Variants in KCNN2 observed in about 807,000 individuals in gnomAD.
KCNN2 encodes small conductance calcium-activated potassium channel protein 2.
A neutral mutation model predicts 55.5 loss-of-function variants in KCNN2; 24 were observed. The observed-to-expected ratio is 0.43, with a 90% CI of 0.31 to 0.61. KCNN2 has a LOEUF of 0.61. Among genes scored for constraint, KCNN2 ranks in the 20% least tolerant of loss-of-function variants. The pLI is 0.08. For missense variants in KCNN2, 754 were observed against 853.6 expected (o/e 0.88, Z 1.45); for synonymous variants, 431 against 336.1 (o/e 1.28, Z -3.09).
At chr5:114,268,599 A>G (rs1160630442) in intron 2 of KCNN2, among the ~76,000 whole-genome samples, 1 of 152,216 alleles carries the variant, frequency 6.6e-6, no homozygotes, top group African/African-American at 2.4e-5. Flanking sequence ...AAAGAAGGTC[A>G]TGATCAGAGG....
At chr5:114,321,648 TTTG>T (rs1756615030) in intron 2 of KCNN2, among the ~76,000 whole-genome samples, 1 of 101,706 alleles carries the variant, frequency 9.8e-6, no homozygotes, top group Middle Eastern at 4.9e-3. Flanking sequence ...GTTCACTGGA[TTTG>T]TTTTTTTTTT....
intron 6 of KCNN2, 118 bp downstream of exon 6, chr5:114,487,295 G>A (rs1172718319): frequency 1.1e-6 from 1 of 894,758 alleles, no homozygotes; most frequent in African/African-American, 1.7e-5. Flanking sequence ...TTTATTCCCA[G>A]AAGATGTTAT....
intron 2 of KCNN2, among the ~76,000 whole-genome samples, chr5:114,376,243 C>G (rs1310808833): frequency 2.0e-5 from 3 of 152,064 alleles, no homozygotes; most frequent in African/African-American, 7.2e-5. Flanking sequence ...ATACAAGTAG[C>G]CACAGAAGGA....
intron 3 of KCNN2, among the ~76,000 whole-genome samples, chr5:114,429,213 A>G (rs1490331600): frequency 6.6e-6 from 1 of 152,106 alleles, no homozygotes; most frequent in African/African-American, 2.4e-5. Context: ...TTTTCTCCAC[A>G]TCCTTGTCAG....
intron 2 of KCNN2, among the ~76,000 whole-genome samples, chr5:114,292,090 A>C (rs1755902330): frequency 6.6e-6 from 1 of 152,196 alleles, no homozygotes; most frequent in African/African-American, 2.4e-5. Context: ...TCTGGATATT[A>C]GCCCTTTGTC....
intron 2 of KCNN2, among the ~76,000 whole-genome samples, chr5:114,377,073 G>A (rs553578221): frequency 2.2e-4 from 33 of 152,120 alleles, no homozygotes; most frequent in African/African-American, 3.4e-4. Flanking sequence ...GAGTGAGCCC[G>A]TCTCTTAAAA....
At chr5:114,203,703 A>T (rs538683541) in intron 1 of KCNN2, among the ~76,000 whole-genome samples, 1 of 152,296 alleles carries the variant, frequency 6.6e-6, no homozygotes, top group East Asian at 1.9e-4. Flanking sequence ...TGCACCAGCT[A>T]CATCTGCCTC....
At chr5:114,207,780 C>G (rs1322140297) in intron 1 of KCNN2, among the ~76,000 whole-genome samples, 1 of 152,210 alleles carries the variant, frequency 6.6e-6, no homozygotes, top group Non-Finnish European at 1.5e-5. Context: ...TGATATTCAT[C>G]TCTCCAGTAA....
At chr5:114,347,446 C>T (rs555192549) in intron 2 of KCNN2, among the ~76,000 whole-genome samples, 12 of 152,276 alleles carry the variant, frequency 7.9e-5, no homozygotes, top group African/African-American at 2.4e-4. Flanking sequence ...AGGCTGCGTG[C>T]TTTATGTGTT....
At chr5:114,267,484 C>G (rs1231700692) in intron 2 of KCNN2, among the ~76,000 whole-genome samples, 1 of 151,990 alleles carries the variant, frequency 6.6e-6, no homozygotes, top group East Asian at 1.9e-4. Flanking sequence ...TATTCTATAT[C>G]AAGGGAAAAA....
In KCNN2 at chr5:114,237,290, A is replaced by ACACT. The variant is rs70976324; in HGVS notation, c.-185+15726_-185+15727insACTC. ...CACACACACACACACACACACACAC[A>ACACT]CTCACACACACACTCACACACCCCA... On this transcript the variant is annotated intron_variant, in intron 2 of 10. Transcript: ENST00000512097. Among the ~76,000 whole-genome samples the ACACT allele has an allele frequency of 5.5e-3, 775 of 140,088 alleles. 4 individuals carry two copies. The highest frequency in any genetic ancestry group is 9.3e-3 in the Non-Finnish European group (593 of 63,806). The allele number at this position is 140,088 out of a possible 152,430, so 91.9% of individuals were successfully genotyped here. A position where few individuals can be genotyped will look rare whatever the true frequency, so the allele number is the denominator to read the frequency against.
At chr5:114,142,798 A>T (rs552262135) in intron 1 of KCNN2, among the ~76,000 whole-genome samples, 2 of 152,202 alleles carry the variant, frequency 1.3e-5, no homozygotes, top group African/African-American at 4.8e-5. Flanking sequence ...GCCCAATGTA[A>T]TTTATAGATT....
At chr5:114,091,473 C>T (rs1384398755) in intron 1 of KCNN2, among the ~76,000 whole-genome samples, 1 of 152,112 alleles carries the variant, frequency 6.6e-6, no homozygotes, top group African/African-American at 2.4e-5. Flanking sequence ...AAATATTTCC[C>T]AGTGGGCTGA....
intron 1 of KCNN2, among the ~76,000 whole-genome samples, chr5:114,199,890 C>G (rs1753637388): frequency 1.3e-5 from 2 of 152,066 alleles, no homozygotes; most frequent in Admixed American, 6.5e-5. Flanking sequence ...GTCTAACTAA[C>G]AGGGTTTTCT....
chr5:114,156,742 T>C (rs1752643233), intron 1 of KCNN2, among the ~76,000 whole-genome samples: 1 of 152,112 alleles, frequency 6.6e-6, no homozygotes, highest in African/African-American at 2.4e-5. Context: ...TCCTAAGACT[T>C]TGTTAAAGTT....
At chr5:114,439,524 A>C (rs1008119885) in intron 3 of KCNN2, among the ~76,000 whole-genome samples, 1 of 152,134 alleles carries the variant, frequency 6.6e-6, no homozygotes, top group African/African-American at 2.4e-5. Context: ...CCATAAAAAT[A>C]TATATGCCAG....
chr5:114,096,431 A>T (rs903012286), intron 1 of KCNN2, among the ~76,000 whole-genome samples: 1 of 152,136 alleles, frequency 6.6e-6, no homozygotes, highest in Non-Finnish European at 1.5e-5. Context: ...AATACAATTG[A>T]AATAAGGACT....
intron 2 of KCNN2, among the ~76,000 whole-genome samples, chr5:114,297,348 T>G (rs1312532702): frequency 2.0e-5 from 3 of 151,946 alleles, no homozygotes; most frequent in Non-Finnish European, 4.4e-5. Context: ...TAAAAATAAT[T>G]TATTAATTAT....
chr5:114,303,428 G>C (rs978699957), intron 2 of KCNN2, among the ~76,000 whole-genome samples: 2 of 152,136 alleles, frequency 1.3e-5, no homozygotes, highest in African/African-American at 4.8e-5. Flanking sequence ...TTAATACACA[G>C]CCCAAGTTTG....
Sources: allele counts gnomAD v4.1 joint callset (sites outside exome capture counted in the v4.1 genomes callset), GRCh38; gene constraint gnomAD v4.1.1; transcripts MANE v1.5; gene names NCBI Gene and HGNC (gene_info 2026-07-23, HGNC 2026-07-21).